The following TENM4 variants were observed in gnomAD, a reference collection of about 807,000 sequenced individuals.
TENM4 encodes teneurin-4.
TENM4 carries 82 observed loss-of-function variants against 243.3 expected under a neutral mutation model. That is an observed-to-expected ratio of 0.34 (90% CI 0.28 to 0.40). The LOEUF (loss-of-function observed/expected upper bound fraction) is 0.40. TENM4 is among the 10% of genes least tolerant of loss of function. TENM4 has a pLI of 1.00. For missense variants in TENM4, 3,138 were observed against 3,673.3 expected (o/e 0.85, Z 3.77); for synonymous variants, 1,412 against 1,456.3 (o/e 0.97, Z 0.69).
intron 28 of TENM4, among the ~76,000 whole-genome samples, chr11:78,700,274 A>C (rs1337600951): frequency 1.3e-5 from 2 of 152,176 alleles, no homozygotes; most frequent in Non-Finnish European, 2.9e-5. Context: ...AGAAAGCCCA[A>C]GCTCTGGCAT....
chr11:79,295,884 T>C (rs1856442256), intron 2 of TENM4, among the ~76,000 whole-genome samples: 1 of 118,064 alleles, frequency 8.5e-6, no homozygotes, highest in African/African-American at 3.5e-5. Flanking sequence ...AAGAATTGCC[T>C]CCCAGGGATT....
At chr11:78,863,983 T>C (rs577688507) in intron 9 of TENM4, among the ~76,000 whole-genome samples, 1 of 152,300 alleles carries the variant, frequency 6.6e-6, no homozygotes, top group East Asian at 1.9e-4. Context: ...CACAACAAAA[T>C]TGGATGCAAC....
At chr11:78,734,910 T>C (rs1855752357) in intron 20 of TENM4, among the ~76,000 whole-genome samples, 1 of 152,224 alleles carries the variant, frequency 6.6e-6, no homozygotes, top group African/African-American at 2.4e-5. Flanking sequence ...CTAAACACCC[T>C]ACGTCCCTTC....
chr11:79,322,008 T>C (rs1207873613), intron 1 of TENM4, among the ~76,000 whole-genome samples: 1 of 152,174 alleles, frequency 6.6e-6, no homozygotes, highest in East Asian at 1.9e-4. Context: ...ATCAGTTTCA[T>C]GTGGACCTTC....
intron 30 of TENM4, among the ~76,000 whole-genome samples, chr11:78,674,484 G>C (rs1858414279): frequency 6.6e-6 from 1 of 152,210 alleles, no homozygotes. Flanking sequence ...CATTTATTGA[G>C]CACCTGGAGT....
intron 6 of TENM4, among the ~76,000 whole-genome samples, chr11:78,992,858 T>C (rs1053162508): frequency 1.3e-5 from 2 of 152,206 alleles, no homozygotes; most frequent in South Asian, 4.1e-4. Flanking sequence ...TGTATATAAA[T>C]GGCTTACCAC....
At chr11:79,282,142 A>C (rs1856167743) in intron 2 of TENM4, among the ~76,000 whole-genome samples, 1 of 152,232 alleles carries the variant, frequency 6.6e-6, no homozygotes. Context: ...GCAAGGAAAC[A>C]AAAAAGACAT....
intron 2 of TENM4, among the ~76,000 whole-genome samples, chr11:79,258,631 T>A (rs1855740570): frequency 6.6e-6 from 1 of 152,202 alleles, no homozygotes; most frequent in African/African-American, 2.4e-5. Context: ...CAGGGAATCT[T>A]TACTGACAGT....
At chr11:78,725,594 C>T (rs958605665) in intron 23 of TENM4, among the ~76,000 whole-genome samples, 8 of 152,242 alleles carry the variant, frequency 5.3e-5, no homozygotes, top group Non-Finnish European at 1.0e-4. Context: ...TGAACCTTCT[C>T]TCCAGTAACT....
intron 1 of TENM4, among the ~76,000 whole-genome samples, chr11:79,308,925 C>T (rs1856672723): frequency 6.6e-6 from 1 of 152,088 alleles, no homozygotes; most frequent in Admixed American, 6.5e-5. Flanking sequence ...GGACAGTGCT[C>T]TGTACTTGGG....
At chr11:78,732,940 C>G (rs1466267312) in intron 20 of TENM4, among the ~76,000 whole-genome samples, 1 of 152,172 alleles carries the variant, frequency 6.6e-6, no homozygotes, top group African/African-American at 2.4e-5. Flanking sequence ...TAGGGCAAGC[C>G]TTGATCTGGG....
intron 12 of TENM4, among the ~76,000 whole-genome samples, chr11:78,817,005 C>T (rs1211649346): frequency 6.6e-6 from 1 of 152,136 alleles, no homozygotes; most frequent in African/African-American, 2.4e-5. Context: ...GAGATGATTC[C>T]CTGCAACTGC....
intron 6 of TENM4, among the ~76,000 whole-genome samples, chr11:79,000,785 C>T (rs952681730): frequency 2.6e-5 from 4 of 152,198 alleles, no homozygotes; most frequent in African/African-American, 7.2e-5. Context: ...AATCCCAGCA[C>T]TTTGGGAGGC....
At chr11:79,133,561 T>C (rs1862051929) in intron 4 of TENM4, among the ~76,000 whole-genome samples, 2 of 152,000 alleles carry the variant, frequency 1.3e-5, no homozygotes, top group Admixed American at 1.3e-4. Flanking sequence ...AAGAAAACTA[T>C]GGACCAATAA....
intron 12 of TENM4, among the ~76,000 whole-genome samples, chr11:78,850,670 T>A (rs1156371595): frequency 6.6e-6 from 1 of 152,052 alleles, no homozygotes; most frequent in African/African-American, 2.4e-5. Flanking sequence ...CACAGACAGG[T>A]CAGAAAGGCA....
chr11:79,370,609 A>G (rs1857762176), intron 1 of TENM4, among the ~76,000 whole-genome samples: 1 of 152,066 alleles, frequency 6.6e-6, no homozygotes, highest in African/African-American at 2.4e-5. Flanking sequence ...CAATTCCTAA[A>G]GCGTGGGGCT....
intron 1 of TENM4, among the ~76,000 whole-genome samples, chr11:79,371,197 G>C (rs923102441): frequency 1.3e-5 from 2 of 152,250 alleles, no homozygotes; most frequent in Admixed American, 1.3e-4. Context: ...CTTCATGTCA[G>C]TGTGAGTGCA....
At chr11:79,343,910 G>A (rs1286344227) in intron 1 of TENM4, among the ~76,000 whole-genome samples, 1 of 152,188 alleles carries the variant, frequency 6.6e-6, no homozygotes, top group East Asian at 1.9e-4. Flanking sequence ...CTGCCACGGT[G>A]GACATCCCCT....
At chr11:79,277,775 G>T (rs1856085135) in intron 2 of TENM4, among the ~76,000 whole-genome samples, 1 of 152,034 alleles carries the variant, frequency 6.6e-6, no homozygotes, top group Non-Finnish European at 1.5e-5. Context: ...AAACCCCAAA[G>T]GTGCTTTTGG....
Sources: gnomAD v4.1 joint callset for allele counts (sites outside exome capture counted in the v4.1 genomes callset) on GRCh38, gnomAD v4.1.1 for gene constraint, MANE v1.5 for transcripts, NCBI Gene and HGNC (gene_info 2026-07-23, HGNC 2026-07-21) for gene names.